NUP210L: variants seen among roughly 807,000 people sequenced by gnomAD.
NUP210L encodes the protein nuclear pore membrane glycoprotein 210-like.
Under a neutral mutation model 208.5 loss-of-function variants are expected in NUP210L, and 74 were observed. The observed-to-expected ratio is 0.35, with a 90% CI of 0.29 to 0.43. The LOEUF is 0.43. Ranked by LOEUF, NUP210L falls within the 20% of genes least tolerant of loss-of-function variation. NUP210L has a pLI of 1.00. For missense variants in NUP210L, 1,843 were observed against 2,289.4 expected, an observed-to-expected ratio of 0.81 and a Z score of 3.98; for synonymous variants, 780 against 816.9, an observed-to-expected ratio of 0.95 and a Z score of 0.77.
intron 15 of NUP210L, among the ~76,000 whole-genome samples, chr1:154,090,611 C>T (rs1285175682): frequency 1.3e-5 from 2 of 151,990 alleles, no homozygotes; most frequent in African/African-American, 4.8e-5. Context: ...AGGAGTTCAA[C>T]ACCAGCCTGG....
chr1:154,087,570 A>G (rs1287713477), intron 16 of NUP210L, among the ~76,000 whole-genome samples: 1 of 152,098 alleles, frequency 6.6e-6, no homozygotes. Flanking sequence ...CATACAAACC[A>G]CCAATTCCAC....
At chr1:154,139,607 C>T (rs994616333) in intron 5 of NUP210L, among the ~76,000 whole-genome samples, 195 bp downstream of exon 5, 1 of 151,230 alleles carries the variant, frequency 6.6e-6, no homozygotes, top group Non-Finnish European at 1.5e-5. Flanking sequence ...GGCAGGCAGA[C>T]TGCTTGAGCT....
intron 1 of NUP210L, among the ~76,000 whole-genome samples, chr1:154,153,815 C>T (rs1423101296): frequency 3.3e-5 from 5 of 152,194 alleles, no homozygotes; most frequent in Admixed American, 1.3e-4. Context: ...ATCACCCTCA[C>T]GGTCAGGAAA....
intron 38 of NUP210L, among the ~76,000 whole-genome samples, chr1:153,994,698 A>G (rs1011616931): frequency 2.6e-5 from 4 of 151,690 alleles, no homozygotes; most frequent in Non-Finnish European, 5.9e-5. Context: ...TAAGTGGCTA[A>G]TTTTCATCCT....
chr1:154,019,926 C>CAAA lies in NUP210L; in HGVS notation c.4517-860_4517-858dup, dbSNP rs772580309. Among the ~76,000 whole-genome samples, 7 of 151,898 alleles carry CAAA rather than the reference C, an allele frequency of 4.6e-5. No individual in the cohort carries two copies. In the South Asian group the frequency reaches 8.3e-4, roughly 18 times the overall value. ...GGGTGATAAGAGTGAAACTCTGTCT[C>CAAA]AAAAAAACAAACAAACAAACAAAAA... On this transcript the variant is annotated intron_variant, in intron 32 of 39. Transcript: ENST00000368559.
chr1:154,152,779 C>T (rs377201052), exon 2 of NUP210L: 62 of 1,613,816 alleles, frequency 3.8e-5, no homozygotes, highest in Admixed American at 5.0e-5. Context: ...GTATCGGTTG[C>T]GTAGATTCAG....
At chr1:154,050,500 A>G (rs760122557) in intron 25 of NUP210L, among the ~76,000 whole-genome samples, 12 of 151,064 alleles carry the variant, frequency 7.9e-5, no homozygotes, top group Non-Finnish European at 1.8e-4. Flanking sequence ...AGCAGGACTT[A>G]GTAGAATGTT....
At position 154,089,374 on chromosome 1, in the gene NUP210L, C is replaced by T. The variant is rs144951194; in HGVS notation, c.2361+47G>A. 3.6e-4 allele frequency: 541 copies of T among 1,507,718 alleles called. 3 individuals are homozygous for T. Among genetic ancestry groups the T allele is most frequent in the Non-Finnish European group, 4.7e-4 (510 of 1,088,796 alleles). 93.4% of individuals were successfully genotyped at this position (1,507,718 alleles called of 1,614,324 possible). A position where few individuals can be genotyped will look rare whatever the true frequency, so the allele number is the denominator to read the frequency against. On this transcript the variant is annotated intron_variant, in intron 16 of 39. Coordinates refer to ENST00000368559, the Ensembl canonical transcript of NUP210L. Reference sequence around the variant, plus strand: ...AATTCCAGACTCTATCTCTAAAGCACGGAATATAAAAGTGCCAACTTAGTT... The same window carrying T: ...AATTCCAGACTCTATCTCTAAAGCATGGAATATAAAAGTGCCAACTTAGTT...
At chr1:154,091,187 A>G (rs1252401468) in intron 15 of NUP210L, among the ~76,000 whole-genome samples, 1 of 149,132 alleles carries the variant, frequency 6.7e-6, no homozygotes, top group Non-Finnish European at 1.5e-5. Flanking sequence ...CCTCCGCCTC[A>G]TGGGTTCCAG....
intron 12 of NUP210L, 32 bp downstream of exon 12, chr1:154,117,693 G>A (rs1459263907): frequency 6.4e-7 from 1 of 1,563,032 alleles, no homozygotes; most frequent in Non-Finnish European, 8.8e-7. Context: ...TAGTGTTGTA[G>A]GGGTAATAAG....
chr1:154,123,832 C>T (rs1241056274), intron 10 of NUP210L, among the ~76,000 whole-genome samples: 1 of 150,658 alleles, frequency 6.6e-6, no homozygotes, highest in Admixed American at 6.6e-5. Context: ...GAACCGAGAT[C>T]GTGCCACTGC....
chr1:154,064,384 G>C (rs931980774), intron 17 of NUP210L, among the ~76,000 whole-genome samples: 9 of 152,110 alleles, frequency 5.9e-5, no homozygotes, highest in South Asian at 2.1e-4. Context: ...ATGAGGGCTT[G>C]TTGCCTTTTT....
chr1:154,133,448 G>A (rs1436055952), intron 7 of NUP210L, among the ~76,000 whole-genome samples: 2 of 151,914 alleles, frequency 1.3e-5, no homozygotes, highest in African/African-American at 4.8e-5. Context: ...CTACTCAGAA[G>A]GCTGAGGTGG....
intron 2 of NUP210L, among the ~76,000 whole-genome samples, chr1:154,144,674 G>T (rs1415154122): frequency 6.6e-6 from 1 of 152,062 alleles, no homozygotes; most frequent in Non-Finnish European, 1.5e-5. Context: ...TTCTACTATT[G>T]TAACATTTAG....
At chr1:154,040,747 C>T (rs1571203492) in intron 27 of NUP210L, among the ~76,000 whole-genome samples, 1 of 152,006 alleles carries the variant, frequency 6.6e-6, no homozygotes, top group African/African-American at 2.4e-5. Context: ...CCACCATTCC[C>T]GGCTAAATTT....
chr1:154,008,605 G>A (rs188864101), intron 35 of NUP210L, among the ~76,000 whole-genome samples: 21 of 152,294 alleles, frequency 1.4e-4, no homozygotes, highest in Non-Finnish European at 1.9e-4. Flanking sequence ...TACTCAGGAG[G>A]CTGAGGCAGG....
chr1:154,097,871 G>A (rs1220638247), intron 14 of NUP210L, among the ~76,000 whole-genome samples: 2 of 152,182 alleles, frequency 1.3e-5, no homozygotes, highest in African/African-American at 2.4e-5. Flanking sequence ...GATACTTAGG[G>A]TGTTGCTTTT....
intron 3 of NUP210L, among the ~76,000 whole-genome samples, chr1:154,142,040 C>G (rs552807303): frequency 8.6e-5 from 13 of 151,754 alleles, no homozygotes; most frequent in Admixed American, 2.6e-4. Flanking sequence ...ACCTGTAGTC[C>G]TAGCTACTCA....
Position 154,081,029 on chromosome 1 carries a change from A to G in NUP210L, c.2361+8392T>C, listed in dbSNP as rs537777684. ...GAAAAGAAAAAGAAGGAAGAAATGG[A>G]AGAAGAGGAACAGAAAAGACATATG... is the stretch of plus-strand genomic sequence containing the variant. On this transcript the variant is annotated intron_variant, in intron 16 of 39. Transcript: ENST00000368559. 4.4e-4 allele frequency among the ~76,000 whole-genome samples: 67 copies of G among 151,952 alleles called. No individual in the cohort carries two copies. In the South Asian group the frequency reaches 0.014, roughly 31 times the overall value.
Sources: gnomAD v4.1 joint callset for allele counts (sites outside exome capture counted in the v4.1 genomes callset) on GRCh38, gnomAD v4.1.1 for gene constraint, MANE v1.5 for transcripts, NCBI Gene and HGNC (gene_info 2026-07-23, HGNC 2026-07-21) for gene names.